Variants in LTBP4 observed in about 807,000 individuals in gnomAD.
The protein encoded by LTBP4 is latent-transforming growth factor beta-binding protein 4.
In LTBP4, 93 loss-of-function variants were observed where a neutral mutation model predicts 180.2. The observed-to-expected ratio is 0.52, with a 90% confidence interval of 0.44 to 0.61. The LOEUF is 0.61. LTBP4 is among the 20% of genes least tolerant of loss of function. LTBP4 has a pLI of 0.00. For synonymous variants in LTBP4, 947 were observed against 934.5 expected (o/e 1.01, Z -0.24); for missense variants, 2,116 against 2,256.5 (o/e 0.94, Z 1.26).
rs1472062931 is a variant in LTBP4 at position 40,605,862 on chromosome 19, G to A, written c.793+31G>A. On this transcript the variant is annotated intron_variant, in intron 4 of 29. Transcript: ENST00000396819. The surrounding 1 kb of genome is among the most constrained non-coding windows in gnomAD (Gnocchi z 5.5). ...CCCCAGGACGTCCCCGAAGTGCTCG[G>A]AGCTGGGGAGTGGTGACAACCTCAC... 5.9e-6 allele frequency: 9 copies of A among 1,529,948 alleles called. No individual in the cohort carries two copies. Among genetic ancestry groups the A allele is most frequent in the Non-Finnish European group, 5.2e-6 (6 of 1,142,862 alleles). The allele number at this position is 1,529,948 out of a possible 1,614,324, so 94.8% of individuals were successfully genotyped here.
Position 40,608,485 on chromosome 19 carries a change from C to G in LTBP4, c.1308C>G (p.Gly436=). The G allele has an allele frequency of 6.2e-7, 1 of 1,601,548 alleles. No individual in the cohort carries two copies. The highest frequency in any genetic ancestry group is 8.5e-7 in the Non-Finnish European group (1 of 1,174,386). The change falls in exon 9 of 30, where the codon GGC becomes GGG. Residue 436 remains glycine, a splice_region_variant and synonymous_variant. Transcript: ENST00000396819. ...TLPATSRPSA[G]FLPTHRLEPR... ...TCGTTGATACCCCTTCTTTATCAGG[C>G]TTTCTGCCCACCCATCGCCTGGAGC...
chr19:40,619,583 C>A, intron 22 of LTBP4, 90 bp downstream of exon 22: 1 of 1,359,276 alleles, frequency 7.4e-7, no homozygotes. Flanking sequence ...CAGCTACCAT[C>A]AGCTAAATAC....
At chr19:40,603,277 A>C (rs2081436677) in intron 1 of LTBP4, among the ~76,000 whole-genome samples, 1 of 152,160 alleles carries the variant, frequency 6.6e-6, no homozygotes, top group Non-Finnish European at 1.5e-5. Context: ...GGTTCTCGCA[A>C]GAGGACTCCA....
rs767381944 is a variant in LTBP4 at position 40,605,691 on chromosome 19, T to C, written c.691-38T>C. On this transcript the variant is annotated intron_variant, in intron 3 of 29. Coordinates refer to ENST00000396819, the MANE Select transcript of LTBP4 (RefSeq NM_001042545.2). This position sits in a 1 kb window ranked among gnomAD's most constrained non-coding sequence, Gnocchi z 5.5. ...CGTGGGGAGGGGCCCGGAGCTTGCC[T>C]CCGCGCGGGGGCGCGCTCACCCAAC... 25 of 1,545,440 alleles carry C rather than the reference T, an allele frequency of 1.6e-5. No homozygotes were observed. The Admixed American group carries it at 4.9e-4, about 30-fold the overall frequency.
At chr19:40,603,351 AG>A (rs55755245) in intron 1 of LTBP4, among the ~76,000 whole-genome samples, 11,204 of 152,220 alleles carry the variant, frequency 0.074, 497 homozygotes, top group Middle Eastern at 0.12. Flanking sequence ...CTTAGCTGGG[AG>A]GGGAGGGGAT....
intron 27 of LTBP4, among the ~76,000 whole-genome samples, chr19:40,626,533 C>G (rs972343626): frequency 1.3e-5 from 2 of 152,142 alleles, no homozygotes; most frequent in African/African-American, 2.4e-5. Flanking sequence ...TCTACAACCT[C>G]TGAGTCCCTC....
chr19:40,606,964 T>G (rs938524977), intron 6 of LTBP4, among the ~76,000 whole-genome samples: 1 of 152,200 alleles, frequency 6.6e-6, no homozygotes, highest in African/African-American at 2.4e-5. Flanking sequence ...TTGGCCAGGC[T>G]GGCCTCAAAC....
At chr19:40,601,926 T>G (rs1391887613) in intron 1 of LTBP4, among the ~76,000 whole-genome samples, 5 of 151,542 alleles carry the variant, frequency 3.3e-5, no homozygotes, top group African/African-American at 1.2e-4. Flanking sequence ...ATCTCAGAAT[T>G]GAGGGGCCTG....
upstream of LTBP4, among the ~76,000 whole-genome samples, chr19:40,597,650 A>G (rs1214826097): frequency 6.7e-6 from 1 of 149,480 alleles, no homozygotes; most frequent in African/African-American, 2.5e-5. Context: ...TCTCTAGTTT[A>G]TTGGGGCAGG....
At position 40,606,416 on chromosome 19, in the gene LTBP4, G is replaced by A; in HGVS notation, c.881G>A (p.Cys294Tyr). 3 of 1,603,772 alleles carry A rather than the reference G, an allele frequency of 1.9e-6. No individual in the cohort carries two copies. The highest frequency in any genetic ancestry group is 2.6e-6 in the Non-Finnish European group (3 of 1,174,266). ...CCAACCCTGGCAGATGTGGATGAGT[G>A]CGCGACTGGCGGGCGCTGCCAGCAC... ...VNGSCEDVDE[C>Y]ATGGRCQHGE... The change falls in exon 6 of 30, where the codon TGC (cysteine) becomes TAC (tyrosine). Residue 294 changes from cysteine (C) to tyrosine (Y), a missense_variant. Cys to Tyr is a radical substitution (Grantham distance 194). This residue lies in a region of LTBP4 where 469 missense variants were observed against 532.5 expected (regional missense o/e 0.88). Coordinates refer to ENST00000396819, the MANE Select transcript of LTBP4 (RefSeq NM_001042545.2).
At position 40,611,224 on chromosome 19, in the gene LTBP4, G is replaced by T. The variant is rs368643029; in HGVS notation, c.1883G>T (p.Arg628Leu). 2 of 1,613,798 alleles carry T rather than the reference G, an allele frequency of 1.2e-6. No homozygotes were observed. Among genetic ancestry groups the T allele is most frequent in the South Asian group, 1.1e-5 (1 of 91,056 alleles). The change falls in exon 13 of 30, where the codon CGC becomes CTC. Residue 628 changes from arginine (R) to leucine (L), a missense_variant. Transcript: ENST00000396819. This position sits in a 1 kb window ranked among gnomAD's most constrained non-coding sequence, Gnocchi z 4.4. ...TGCAAGAACCTGCCTGGCTCTTTCC[G>T]CTGTGTTTGCCCGGCTGGCTTCCGG... ...GACKNLPGSF[R>L]CVCPAGFRGS...
chr19:40,596,146 T>C (rs1350632436), intron 1 of LTBP4, among the ~76,000 whole-genome samples: 2 of 151,874 alleles, frequency 1.3e-5, no homozygotes, highest in African/African-American at 4.8e-5. Context: ...GGTCTCGAAC[T>C]CCTGACCTCA....
rs3786528 is a variant in LTBP4, at chr19:40,604,537, T to C, written c.251-498T>C. 2.0e-3 allele frequency among the ~76,000 whole-genome samples: 305 copies of C among 151,476 alleles called. 7 individuals are homozygous for C. The East Asian group carries it at 0.041, about 20-fold the overall frequency. On this transcript the variant is annotated intron_variant, in intron 1 of 29. Coordinates refer to ENST00000396819, the MANE Select transcript of LTBP4 (RefSeq NM_001042545.2). ...CAGCCAGAAATTGGGATCCGAGAGG[T>C]TGACATGAAAGTGAATAAACAGCCT...
chr19:40,605,268 G>A lies in LTBP4; in HGVS notation c.442+42G>A. 6.4e-7 allele frequency: 1 copy of A among 1,560,932 alleles called. No homozygotes were observed. Among genetic ancestry groups the A allele is most frequent in the African/African-American group, 1.4e-5 (1 of 73,644 alleles). ...CAGAGTCCCCTCCGACCCCTGTCAA[G>A]CATTTCACTTTGCCCCTGACCCTCA... On this transcript the variant is annotated intron_variant, in intron 2 of 29. Coordinates refer to ENST00000396819, the MANE Select transcript of LTBP4 (RefSeq NM_001042545.2). The surrounding 1 kb of genome is among the most constrained non-coding windows in gnomAD (Gnocchi z 5.5).
chr19:40,627,285 C>G lies in LTBP4; in HGVS notation c.4296C>G (p.Pro1432=). The G allele has an allele frequency of 6.6e-7, 1 of 1,523,948 alleles. No homozygotes were observed. Among genetic ancestry groups the G allele is most frequent in the Non-Finnish European group, 8.8e-7 (1 of 1,138,000 alleles). 94.4% of individuals were successfully genotyped at this position (1,523,948 alleles called of 1,614,324 possible). A position where few individuals can be genotyped will look rare whatever the true frequency, so the allele number is the denominator to read the frequency against. The change falls in exon 28 of 30, where the codon CCC becomes CCG. Residue 1432 remains proline, a synonymous_variant. Transcript: ENST00000396819. Reference sequence around the variant, plus strand: ...CACCTGGCCCGGGCACCCGCTGGCCCTATCGGTCCCGGGACACCCGCCGCT... The same window carrying G: ...CACCTGGCCCGGGCACCCGCTGGCCGTATCGGTCCCGGGACACCCGCCGCT... ...PAPPGPGTRW[P]YRSRDTRRSF...
At position 40,613,836 on chromosome 19, in the gene LTBP4, G is replaced by C. The variant is rs772251127; in HGVS notation, c.2558-80G>C. The C allele has an allele frequency of 6.9e-6, 11 of 1,593,364 alleles. No homozygotes were observed. The highest frequency in any genetic ancestry group is 9.4e-6 in the Non-Finnish European group (11 of 1,169,498). ...AAGGCGTGAGAGGCCTAGGAGAGCC[G>C]AGGGGCGGTGGAGGGGTGTGGCCTA... is the stretch of plus-strand genomic sequence containing the variant. On this transcript the variant is annotated intron_variant, in intron 17 of 29. Transcript: ENST00000396819. This position sits in a 1 kb window ranked among gnomAD's most constrained non-coding sequence, Gnocchi z 5.0.
upstream of LTBP4, chr19:40,599,955 G>A: frequency 2.0e-6 from 1 of 493,356 alleles, no homozygotes; most frequent in Non-Finnish European, 3.5e-6. Flanking sequence ...GGTGTTGTGG[G>A]GGGAGGGTTG....
At position 40,605,030 on chromosome 19, in the gene LTBP4, C is replaced by T. The variant is rs1246081605; in HGVS notation, c.251-5C>T. 8 of 1,609,364 alleles carry T rather than the reference C, an allele frequency of 5.0e-6. No individual in the cohort carries two copies. The East Asian group carries it at 1.8e-4, about 36-fold the overall frequency. On this transcript the variant is annotated splice_polypyrimidine_tract_variant and splice_region_variant and intron_variant, in intron 1 of 29. Transcript: ENST00000396819. This position sits in a 1 kb window ranked among gnomAD's most constrained non-coding sequence, Gnocchi z 5.5. ...CGCCCCTGAGTGTCCTCGTTCTCCT[C>T]CCAGTCCTGTGTCCCTTGATCTGTC...
chr19:40,603,982 G>A (rs2146019128), intron 1 of LTBP4, among the ~76,000 whole-genome samples: 1 of 152,398 alleles, frequency 6.6e-6, no homozygotes, highest in South Asian at 2.1e-4. Flanking sequence ...GGGGAGTGGA[G>A]GCGCGTTCCC....
Sources: gnomAD v4.1 joint callset for allele counts (sites outside exome capture counted in the v4.1 genomes callset) on GRCh38, gnomAD v4.1.1 for gene constraint, gnomAD v4.1.1 regional missense constraint, Gnocchi (gnomAD v3.1) non-coding constraint, MANE v1.5 for transcripts, NCBI Gene and HGNC (gene_info 2026-07-23, HGNC 2026-07-21) for gene names.